Variants in SYNPO2 observed in about 807,000 individuals in gnomAD.
The protein encoded by SYNPO2 is synaptopodin-2.
Under a neutral mutation model 85.0 loss-of-function variants are expected in SYNPO2, and 56 were observed. The ratio of observed to expected loss-of-function variants is 0.66; its 90% CI spans 0.53 to 0.82. SYNPO2 has a LOEUF of 0.82. SYNPO2 is among the 40% of genes least tolerant of loss of function. The probability of loss-of-function intolerance (pLI) is 0.00; values close to 1 mark genes in which losing one functional copy is unlikely to be tolerated. For missense variants in SYNPO2, 1,575 were observed against 1,534.2 expected, an observed-to-expected ratio of 1.03 and a Z score of -0.44; for synonymous variants, 602 against 591.1, an observed-to-expected ratio of 1.02 and a Z score of -0.27.
intron 1 of SYNPO2, among the ~76,000 whole-genome samples, chr4:118,969,860 C>T (rs1044348024): frequency 1.7e-4 from 26 of 151,610 alleles, no homozygotes; most frequent in African/African-American, 5.6e-4. Flanking sequence ...AGATGAGAAC[C>T]TGGCCTCTTT....
chr4:118,879,242 G>C (rs1732011736), intron 1 of SYNPO2, among the ~76,000 whole-genome samples: 1 of 152,186 alleles, frequency 6.6e-6, no homozygotes, highest in Non-Finnish European at 1.5e-5. Flanking sequence ...TTGAAGTCAG[G>C]GAGACCATGA....
intron 4 of SYNPO2, among the ~76,000 whole-genome samples, chr4:119,046,244 C>G (rs1364952511): frequency 6.6e-6 from 1 of 152,140 alleles, no homozygotes; most frequent in African/African-American, 2.4e-5. Flanking sequence ...AAAGTATATG[C>G]ACACATTCCT....
At chr4:118,951,845 C>A (rs1734710545) in intron 1 of SYNPO2, among the ~76,000 whole-genome samples, 1 of 152,054 alleles carries the variant, frequency 6.6e-6, no homozygotes, top group Non-Finnish European at 1.5e-5. Flanking sequence ...GAAGCTAAAG[C>A]TGAATTTGAG....
At chr4:118,862,699 C>G (rs1731631152) in intron 1 of SYNPO2, among the ~76,000 whole-genome samples, 1 of 152,026 alleles carries the variant, frequency 6.6e-6, no homozygotes. Flanking sequence ...GATGAATGAT[C>G]TTTTTAATGT....
rs540595123 is a variant in SYNPO2, at chr4:118,897,818, G to A, written c.105+8677G>A. 4.6e-5 allele frequency among the ~76,000 whole-genome samples: 7 copies of A among 152,206 alleles called. No homozygotes were observed. The South Asian group carries it at 1.5e-3, about 32-fold the overall frequency. On this transcript the variant is annotated intron_variant, in intron 1 of 4. Coordinates refer to ENST00000307142, the MANE Select transcript of SYNPO2 (RefSeq NM_133477.3). ...AAGCTCCTAGACATGTCACTTTTGG[G>A]TCTAGTGTAGTTTGAACAGCCAGTT...
rs965970505 is a variant in SYNPO2, at chr4:118,856,998, C to A, written c.12+6058C>A. ...AAAGCTCTTTATTCATAAATGTATT[C>A]TTTATAAGTATAGCCCACAGTATAG... On this transcript the variant is annotated intron_variant, in intron 1 of 4. Coordinates refer to the SYNPO2 transcript ENST00000610556. 3.3e-5 allele frequency among the ~76,000 whole-genome samples: 5 copies of A among 151,936 alleles called. No individual in the cohort carries two copies. The South Asian group carries it at 8.3e-4, about 25-fold the overall frequency.
At chr4:118,879,152 G>T (rs903930554) in intron 1 of SYNPO2, among the ~76,000 whole-genome samples, 1 of 152,048 alleles carries the variant, frequency 6.6e-6, no homozygotes, top group African/African-American at 2.4e-5. Context: ...CGACACATCT[G>T]AACATCTGAA....
intron 4 of SYNPO2, among the ~76,000 whole-genome samples, chr4:119,051,184 C>T (rs111997867): frequency 2.3e-5 from 1 of 43,520 alleles, no homozygotes; most frequent in African/African-American, 9.9e-5. Flanking sequence ...CCATGGGAAG[C>T]AATTTTTTTT....
At chr4:118,957,817 T>A (rs1451778001) in intron 1 of SYNPO2, among the ~76,000 whole-genome samples, 2 of 152,212 alleles carry the variant, frequency 1.3e-5, no homozygotes, top group African/African-American at 4.8e-5. Flanking sequence ...ATCTCGCAGA[T>A]GGAGAGAGAG....
intron 1 of SYNPO2, among the ~76,000 whole-genome samples, chr4:118,855,800 T>C (rs1434382774): frequency 2.0e-5 from 3 of 152,208 alleles, no homozygotes; most frequent in Admixed American, 2.0e-4. Context: ...ATTATTTCTT[T>C]AGAGATATAA....
At chr4:118,853,326 A>C (rs1731451585) in intron 1 of SYNPO2, among the ~76,000 whole-genome samples, 1 of 152,184 alleles carries the variant, frequency 6.6e-6, no homozygotes, top group Admixed American at 6.5e-5. Flanking sequence ...CAGTTTGCCC[A>C]AGATGATCCC....
At chr4:119,041,824 C>T (rs1738723987) in intron 4 of SYNPO2, among the ~76,000 whole-genome samples, 1 of 152,084 alleles carries the variant, frequency 6.6e-6, no homozygotes, top group Non-Finnish European at 1.5e-5. Context: ...AAGATTTCCC[C>T]ACCTTAGAGA....
intron 1 of SYNPO2, among the ~76,000 whole-genome samples, chr4:119,020,700 T>C (rs1032777351): frequency 3.3e-5 from 5 of 152,172 alleles, no homozygotes; most frequent in Non-Finnish European, 7.4e-5. Flanking sequence ...GAATGAATGA[T>C]TTTATGCCTC....
intron 1 of SYNPO2, among the ~76,000 whole-genome samples, chr4:119,005,787 G>T (rs1015751520): frequency 6.6e-6 from 1 of 152,116 alleles, no homozygotes; most frequent in African/African-American, 2.4e-5. Flanking sequence ...TTTTAAAATG[G>T]CAAATAAATA....
intron 1 of SYNPO2, among the ~76,000 whole-genome samples, chr4:118,907,194 A>G (rs1732966993): frequency 1.3e-5 from 2 of 152,174 alleles, no homozygotes; most frequent in Admixed American, 1.3e-4. Flanking sequence ...CCATACGAAA[A>G]TGTAATCAAT....
chr4:118,957,401 A>G (rs1225618268), intron 1 of SYNPO2, among the ~76,000 whole-genome samples: 1 of 152,152 alleles, frequency 6.6e-6, no homozygotes, highest in African/African-American at 2.4e-5. Flanking sequence ...ACTGTGTAAG[A>G]GTATGTGCTT....
chr4:118,969,454 C>T (rs1338490703), intron 1 of SYNPO2, among the ~76,000 whole-genome samples: 3 of 152,144 alleles, frequency 2.0e-5, no homozygotes, highest in Middle Eastern at 3.2e-3. Flanking sequence ...TTTATATTAT[C>T]CATTACCAGT....
chr4:118,931,710 C>G (rs1578561598), intron 1 of SYNPO2, among the ~76,000 whole-genome samples: 1 of 152,280 alleles, frequency 6.6e-6, no homozygotes, highest in East Asian at 1.9e-4. Context: ...ACACCCAATC[C>G]ATTACTACCG....
intron 1 of SYNPO2, among the ~76,000 whole-genome samples, chr4:118,861,216 G>A (rs1251454507): frequency 6.6e-6 from 1 of 152,014 alleles, no homozygotes; most frequent in African/African-American, 2.4e-5. Context: ...GCTGGAGTGC[G>A]ATCTCGACTC....
Sources: allele counts gnomAD v4.1 joint callset (sites outside exome capture counted in the v4.1 genomes callset), GRCh38; gene constraint gnomAD v4.1.1; transcripts MANE v1.5; gene names NCBI Gene and HGNC (gene_info 2026-07-23, HGNC 2026-07-21).